The following RBP3 variants were observed in gnomAD, a reference collection of about 807,000 sequenced individuals.
RBP3 encodes retinol binding protein 3, also known as retinol-binding protein 3.
A neutral mutation model predicts 64.8 loss-of-function variants in RBP3; 50 were observed. That is an observed-to-expected ratio of 0.77 (90% CI 0.61 to 0.98). The LOEUF is 0.98. Among genes scored for constraint, RBP3 ranks in the 50% least tolerant of loss-of-function variants. The probability of loss-of-function intolerance (pLI) is 0.00; values close to 1 mark genes in which losing one functional copy is unlikely to be tolerated. For synonymous variants in RBP3, 828 were observed against 730.2 expected (o/e 1.13, Z -2.16); for missense variants, 1,712 against 1,660.5 (o/e 1.03, Z -0.54).
In RBP3 at chr10:47,350,289, A is replaced by T; in HGVS notation, c.1805A>T (p.His602Leu). The change falls in exon 1 of 4, where the codon CAC (histidine) becomes CTC (leucine). Residue 602 changes from histidine to leucine, a missense_variant. Coordinates refer to ENST00000584701, the MANE Select transcript of RBP3 (RefSeq NM_002900.3). ...TVPVLTFIDN[H>L]GEAWLGGGVV... is the part of the protein sequence containing the mutation. ...CCGGTCCTCACCTTCATCGACAATC[A>T]CGGCGAGGCCTGGCTGGGTGGTGGA... The T allele has an allele frequency of 6.2e-7, 1 of 1,609,038 alleles. No homozygotes were observed. The highest frequency in any genetic ancestry group is 8.5e-7 in the Non-Finnish European group (1 of 1,179,906).
chr10:47,351,681 T>C, intron 1 of RBP3, 143 bp downstream of exon 1: 2 of 1,056,158 alleles, frequency 1.9e-6, no homozygotes, highest in Non-Finnish European at 2.9e-6. Flanking sequence ...TCAAGTCCTT[T>C]CCTCTTTCTC....
Position 47,350,095 on chromosome 10 carries a change from G to A in RBP3, c.1611G>A (p.Val537=), listed in dbSNP as rs1179433337. The A allele has an allele frequency of 1.2e-6, 2 of 1,612,914 alleles. No homozygotes were observed. The highest frequency in any genetic ancestry group is 1.7e-5 in the Admixed American group (1 of 59,996). The change falls in exon 1 of 4, where the codon GTG becomes GTA. Residue 537 remains valine, a synonymous_variant. Transcript: ENST00000584701. ...PGPRYSTQRG[V]YLLTSHRTAT... is the part of the protein sequence containing the mutation. ...CACGCTACAGCACCCAACGTGGGGT[G>A]TATCTGCTCACCAGCCACCGCACCG... is the stretch of plus-strand genomic sequence containing the variant.
At position 47,350,196 on chromosome 10, in the gene RBP3, G is replaced by A; in HGVS notation, c.1712G>A (p.Gly571Asp). The change falls in exon 1 of 4, where the codon GGC becomes GAC. Residue 571 changes from glycine to aspartate, a missense_variant. Physicochemically the swap from Gly to Asp is moderately conservative, Grantham distance 94 (BLOSUM62 -1). Transcript: ENST00000584701. ...ACACTGGTAGGTGAGATCACCGCGG[G>A]CAACCTGCTGCACACCCGCACGGTG... is the stretch of plus-strand genomic sequence containing the variant. ...WATLVGEITA[G>D]NLLHTRTVPL... 1 of 1,610,592 alleles carries A rather than the reference G, an allele frequency of 6.2e-7. No homozygotes were observed. Among genetic ancestry groups the A allele is most frequent in the Non-Finnish European group, 8.5e-7 (1 of 1,179,960 alleles).
rs549376318 is a variant in RBP3 at position 47,350,347 on chromosome 10, G to T, written c.1863G>T (p.Glu621Asp). The T allele has an allele frequency of 2.5e-6, 4 of 1,612,220 alleles. No individual in the cohort carries two copies. The South Asian group carries it at 4.4e-5, about 18-fold the overall frequency. ...CCGATGCCATCGTGCTGGCCGAGGA[G>T]GCCCTGGACAAAGCCCAGGAAGTGC... ...VVPDAIVLAE[E>D]ALDKAQEVLE... Residue 621 changes from glutamate (E) to aspartate (D), a missense_variant, in exon 1 of 4, where the codon GAG becomes GAT. Coordinates refer to ENST00000584701, the MANE Select transcript of RBP3 (RefSeq NM_002900.3).
rs575232815 is a variant in RBP3 at position 47,350,861 on chromosome 10, A to G, written c.2377A>G (p.Ile793Val). ...CAACCCTGGCAGCTACTCCACGGCC[A>G]TCCCGCTGCTCTGCTCCTACTTCTT... Reference protein sequence around the residue: ...RYNPGSYSTAIPLLCSYFFEA... With the variant: ...RYNPGSYSTAVPLLCSYFFEA... The change falls in exon 1 of 4, where the codon ATC (isoleucine) becomes GTC (valine). Residue 793 changes from isoleucine to valine, a missense_variant. Transcript: ENST00000584701. The G allele has an allele frequency of 1.2e-6, 2 of 1,612,794 alleles. No individual in the cohort carries two copies. Among genetic ancestry groups the G allele is most frequent in the South Asian group, 1.1e-5 (1 of 91,046 alleles).
rs1555210951 is a variant in RBP3, at chr10:47,349,041, A to G, written c.557A>G (p.Tyr186Cys). Reference protein sequence around the residue: ...QVSGIPYIISYLHPGNTILHV... With the variant: ...QVSGIPYIISCLHPGNTILHV... ...TCTGGCATTCCCTACATCATCTCCTACCTGCACCCAGGGAACACCATCCTG... is the reference window on the plus strand; with the variant it reads ...TCTGGCATTCCCTACATCATCTCCTGCCTGCACCCAGGGAACACCATCCTG... Residue 186 changes from tyrosine to cysteine, a missense_variant, in exon 1 of 4, where the codon TAC becomes TGC. By Grantham distance (194) the Tyr-to-Cys change is radical. Coordinates refer to ENST00000584701, the MANE Select transcript of RBP3 (RefSeq NM_002900.3). 6.2e-7 allele frequency: 1 copy of G among 1,613,744 alleles called. No homozygotes were observed. Among genetic ancestry groups the G allele is most frequent in the Non-Finnish European group, 8.5e-7 (1 of 1,179,996 alleles).
chr10:47,348,846 T>G lies in RBP3; in HGVS notation c.362T>G (p.Leu121Arg), dbSNP rs1384216731. 6.2e-7 allele frequency: 1 copy of G among 1,613,740 alleles called. No individual in the cohort carries two copies. The highest frequency in any genetic ancestry group is 1.3e-5 in the African/African-American group (1 of 74,918). Residue 121 changes from leucine to arginine, a missense_variant, in exon 1 of 4, where the codon CTC (leucine) becomes CGC (arginine). Transcript: ENST00000584701. ...EELLAWLQRGLRHEVLEGNVG... is the reference protein window; with the variant it reads ...EELLAWLQRGRRHEVLEGNVG... ...CTGCTTGCCTGGCTGCAAAGGGGCC[T>G]CCGCCATGAGGTTCTGGAGGGTAAT...
At position 47,349,390 on chromosome 10, in the gene RBP3, G is replaced by A. The variant is rs1555211074; in HGVS notation, c.906G>A (p.Leu302=). 1 of 1,612,026 alleles carries A rather than the reference G, an allele frequency of 6.2e-7. No homozygotes were observed. Among genetic ancestry groups the A allele is most frequent in the Non-Finnish European group, 8.5e-7 (1 of 1,179,976 alleles). The change falls in exon 1 of 4, where the codon CTG becomes CTA. Residue 302 remains leucine (L), a synonymous_variant. Transcript: ENST00000584701. ...GSQTWEGSGV[L]PCVGTPAEQA... Reference sequence around the variant, plus strand: ...AGACGTGGGAGGGCAGCGGGGTGCTGCCCTGTGTGGGGACTCCGGCCGAGC... The same window carrying A: ...AGACGTGGGAGGGCAGCGGGGTGCTACCCTGTGTGGGGACTCCGGCCGAGC...
intron 3 of RBP3, 121 bp downstream of exon 3, chr10:47,355,639 C>T: frequency 1.6e-6 from 2 of 1,253,064 alleles, no homozygotes; most frequent in South Asian, 1.3e-5. Flanking sequence ...TGTCCTAGTC[C>T]AGGCACTAGA....
At chr10:47,357,014 C>T (rs1483130064) in intron 3 of RBP3, 88 bp from the exon 4 acceptor site, 8 of 1,257,426 alleles carry the variant, frequency 6.4e-6, no homozygotes, top group Non-Finnish European at 9.0e-6. Context: ...GGGCCTCCTC[C>T]ATCACTGCAG....
At chr10:47,355,086 T>A (rs1205067331) in intron 2 of RBP3, among the ~76,000 whole-genome samples, 6 of 152,228 alleles carry the variant, frequency 3.9e-5, no homozygotes, top group African/African-American at 1.4e-4. Flanking sequence ...AACAAGTTTC[T>A]GACTGCAGGA....
intron 3 of RBP3, among the ~76,000 whole-genome samples, chr10:47,356,158 C>G (rs144791742): frequency 2.0e-5 from 3 of 152,090 alleles, no homozygotes; most frequent in African/African-American, 7.2e-5. Context: ...CTGGAGAGAC[C>G]GATGGGGGTG....
rs1555211415 is a variant in RBP3, at chr10:47,350,622, C to A, written c.2138C>A (p.Ala713Glu). 1 of 1,612,842 alleles carries A rather than the reference C, an allele frequency of 6.2e-7. No homozygotes were observed. The highest frequency in any genetic ancestry group is 1.7e-5 in the Admixed American group (1 of 60,038). The change falls in exon 1 of 4, where the codon GCA becomes GAA. Residue 713 changes from alanine (A) to glutamate (E), a missense_variant. Physicochemically the swap from Ala to Glu is moderately radical, Grantham distance 107 (BLOSUM62 -1). Transcript: ENST00000584701. ...HSPGELVVEE[A>E]PPPPPAVPSP... ...CCTGGCGAGCTGGTGGTAGAGGAAG[C>A]ACCCCCACCACCCCCTGCTGTCCCC...
At chr10:47,352,827 A>G (rs552817747) in intron 1 of RBP3, among the ~76,000 whole-genome samples, 2 of 152,340 alleles carry the variant, frequency 1.3e-5, no homozygotes, top group South Asian at 4.1e-4. Flanking sequence ...TGACTGTGTG[A>G]CCTGAGACTA....
chr10:47,349,165 G>A lies in RBP3; in HGVS notation c.681G>A (p.Val227=). The part of the protein sequence containing the change: ...LGERYGADKD[V]VVLTSSQTRG... ...AAAGGTACGGTGCCGACAAGGATGT[G>A]GTGGTCCTCACCAGCAGCCAGACCA... The change falls in exon 1 of 4, where the codon GTG becomes GTA. Residue 227 remains valine, a synonymous_variant. Transcript: ENST00000584701. The A allele has an allele frequency of 6.2e-7, 1 of 1,613,872 alleles. No homozygotes were observed.
At position 47,357,648 on chromosome 10, in the gene RBP3, G is replaced by T. The variant is rs1837069257; in HGVS notation, c.*191G>T. The T allele has an allele frequency of 1.9e-6, 1 of 537,766 alleles. No individual in the cohort carries two copies. The highest frequency in any genetic ancestry group is 3.3e-6 in the Non-Finnish European group (1 of 304,466). 33.3% of individuals were successfully genotyped at this position (537,766 alleles called of 1,614,324 possible). On this transcript the variant is annotated 3_prime_UTR_variant, in exon 4 of 4. Coordinates refer to ENST00000584701, the MANE Select transcript of RBP3 (RefSeq NM_002900.3). Reference sequence around the variant, plus strand: ...TGTATATACACATATATATGTGTATGTATATATATGTATATATATATGGCT... The same window carrying T: ...TGTATATACACATATATATGTGTATTTATATATATGTATATATATATGGCT...
chr10:47,353,545 C>A (rs782141105), intron 2 of RBP3, 30 bp downstream of exon 2: 2 of 1,611,704 alleles, frequency 1.2e-6, no homozygotes, highest in African/African-American at 1.3e-5. Context: ...TGCTTCCTAG[C>A]CAGGACGCAG....
rs1555211020 is a variant in RBP3, at chr10:47,349,217, A to G, written c.733A>G (p.Ile245Val). The part of the protein sequence containing the change: ...TRGVAEDIAH[I>V]LKQMRRAIVV... ...GGGCGTGGCCGAGGACATCGCGCAC[A>G]TCCTTAAGCAGATGCGCAGGGCCAT... is the stretch of plus-strand genomic sequence containing the variant. The change falls in exon 1 of 4, where the codon ATC becomes GTC. Residue 245 changes from isoleucine (I) to valine (V), a missense_variant. Ile to Val is a conservative substitution (Grantham distance 29, BLOSUM62 3). Coordinates refer to ENST00000584701, the MANE Select transcript of RBP3 (RefSeq NM_002900.3). The G allele has an allele frequency of 1.2e-6, 2 of 1,613,494 alleles. No individual in the cohort carries two copies. Among genetic ancestry groups the G allele is most frequent in the Admixed American group, 1.7e-5 (1 of 60,028 alleles).
At position 47,353,362 on chromosome 10, in the gene RBP3, T is replaced by C. The variant is rs1555211784; in HGVS notation, c.3092T>C (p.Phe1031Ser). Residue 1031 changes from phenylalanine to serine, a missense_variant, in exon 2 of 4, where the codon TTT (phenylalanine) becomes TCT (serine). Physicochemically the swap from Phe to Ser is radical, Grantham distance 155. Coordinates refer to ENST00000584701, the MANE Select transcript of RBP3 (RefSeq NM_002900.3). ...SPEVFEELIKFSFHTNVLEDN... is the reference protein window; with the variant it reads ...SPEVFEELIKSSFHTNVLEDN... ...GAAGTATTTGAAGAGCTGATCAAGT[T>C]TTCCTTCCACACTAACGTGCTTGAG... 1 of 1,614,092 alleles carries C rather than the reference T, an allele frequency of 6.2e-7. No homozygotes were observed. Among genetic ancestry groups the C allele is most frequent in the Admixed American group, 1.7e-5 (1 of 60,024 alleles).
Sources: gnomAD v4.1 joint callset for allele counts (sites outside exome capture counted in the v4.1 genomes callset) on GRCh38, gnomAD v4.1.1 for gene constraint, MANE v1.5 for transcripts, NCBI Gene and HGNC (gene_info 2026-07-23, HGNC 2026-07-21) for gene names.